The following CCBE1 variants were observed in gnomAD, a reference collection of about 807,000 sequenced individuals.
The protein encoded by CCBE1 is collagen and calcium binding EGF domains 1, also known as collagen and calcium-binding EGF domain-containing protein 1.
A neutral mutation model predicts 50.0 loss-of-function variants in CCBE1; 37 were observed. The observed-to-expected ratio is 0.74, with a 90% CI of 0.57 to 0.97. CCBE1 has a LOEUF of 0.97. Among genes scored for constraint, CCBE1 ranks in the 50% least tolerant of loss-of-function variants. The pLI, the probability that CCBE1 is intolerant of heterozygous loss-of-function variation, is 0.00. For synonymous variants in CCBE1, 234 were observed against 203.7 expected (o/e 1.15, Z -1.27); for missense variants, 538 against 523.8 (o/e 1.03, Z -0.26).
chr18:59,603,894 A>G (rs1363187123), intron 2 of CCBE1, among the ~76,000 whole-genome samples: 1 of 152,214 alleles, frequency 6.6e-6, no homozygotes, highest in Non-Finnish European at 1.5e-5. Flanking sequence ...CTCAGGCCGA[A>G]AGGTCCTCAA....
chr18:59,452,588 A>C (rs1164190235), intron 6 of CCBE1, among the ~76,000 whole-genome samples: 1 of 152,150 alleles, frequency 6.6e-6, no homozygotes, highest in East Asian at 1.9e-4. Flanking sequence ...GCGAGACTTC[A>C]TCTCAAAACA....
intron 2 of CCBE1, among the ~76,000 whole-genome samples, chr18:59,599,734 A>G (rs1344695458): frequency 6.6e-6 from 1 of 152,218 alleles, no homozygotes; most frequent in Non-Finnish European, 1.5e-5. Context: ...AATAATTCCT[A>G]CCTGAAGAAT....
At chr18:59,633,423 T>C (rs2053875745) in intron 2 of CCBE1, among the ~76,000 whole-genome samples, 2 of 152,252 alleles carry the variant, frequency 1.3e-5, no homozygotes, top group Non-Finnish European at 2.9e-5. Context: ...TAGTTTTCTC[T>C]GGTCCAAATT....
intron 2 of CCBE1, among the ~76,000 whole-genome samples, chr18:59,537,795 G>A (rs765171400): frequency 3.7e-4 from 56 of 152,246 alleles, no homozygotes; most frequent in Non-Finnish European, 7.1e-4. Context: ...ACTTGAATGC[G>A]TGATATACCT....
rs558371629 is a variant in CCBE1 at position 59,642,808 on chromosome 18, G to A, written c.212+53821C>T. Among the ~76,000 whole-genome samples the A allele has an allele frequency of 5.9e-5, 9 of 152,136 alleles. No homozygotes were observed. The East Asian group carries it at 1.5e-3, about 26-fold the overall frequency. The stretch of plus-strand genomic sequence containing the variant: ...ACTAAAAATACAAAAAATTAGCCAG[G>A]CGTGATGGTAGGTGCCTGTAATCCC... On this transcript the variant is annotated intron_variant, in intron 2 of 10. Coordinates refer to ENST00000439986, the MANE Select transcript of CCBE1 (RefSeq NM_133459.4).
intron 2 of CCBE1, among the ~76,000 whole-genome samples, chr18:59,662,850 C>T (rs1472066056): frequency 1.6e-4 from 24 of 152,192 alleles, no homozygotes; most frequent in Non-Finnish European, 2.9e-4. Context: ...TCTTGGTGTA[C>T]ACCTGTAGTC....
Position 59,443,065 on chromosome 18 carries a change from A to G in CCBE1, c.776-3249T>C, listed in dbSNP as rs569986318. Among the ~76,000 whole-genome samples the G allele has an allele frequency of 1.8e-3, 275 of 152,240 alleles. 1 individual carries two copies. Among genetic ancestry groups the G allele is most frequent in the African/African-American group, 5.9e-3 (245 of 41,550 alleles). On this transcript the variant is annotated intron_variant, in intron 7 of 10. Transcript: ENST00000439986. ...GCTCTGAGACCATACCGAGTTTAACAAGTCATCTGCTCTTGTGTCTGATAA... is the reference window on the plus strand; with the variant it reads ...GCTCTGAGACCATACCGAGTTTAACGAGTCATCTGCTCTTGTGTCTGATAA...
chr18:59,639,494 C>T (rs897188629), intron 2 of CCBE1, among the ~76,000 whole-genome samples: 1 of 152,118 alleles, frequency 6.6e-6, no homozygotes, highest in African/African-American at 2.4e-5. Context: ...GAACGTACTG[C>T]AAAATAGTAA....
Position 59,621,621 on chromosome 18 carries a change from A to G in CCBE1, c.212+75008T>C, listed in dbSNP as rs2053711514. ...AGTAACACAGGATTGTCTTCATTTT[A>G]CAGGCGAGCACAAAGGCTCAGAGAT... On this transcript the variant is annotated intron_variant, in intron 2 of 10. Coordinates refer to ENST00000439986, the MANE Select transcript of CCBE1 (RefSeq NM_133459.4). 2.0e-5 allele frequency among the ~76,000 whole-genome samples: 3 copies of G among 152,202 alleles called. No homozygotes were observed. In the South Asian group the frequency reaches 6.2e-4, roughly 32 times the overall value.
chr18:59,629,257 CCCCCAGGTATCATGTAACTGACT>C (rs1267416996), intron 2 of CCBE1, among the ~76,000 whole-genome samples: 1 of 152,160 alleles, frequency 6.6e-6, no homozygotes, highest in East Asian at 1.9e-4. Flanking sequence ...GAATCATCTT[CCCCCAGGTATCATGTAACTGACT>C]CCCTCATCTC....
intron 2 of CCBE1, among the ~76,000 whole-genome samples, chr18:59,623,915 G>A (rs1427147024): frequency 6.6e-6 from 1 of 152,206 alleles, no homozygotes; most frequent in East Asian, 1.9e-4. Flanking sequence ...GATGGGCCAA[G>A]GCTGTCAAAA....
intron 2 of CCBE1, among the ~76,000 whole-genome samples, chr18:59,538,230 T>G (rs1173401764): frequency 6.6e-6 from 1 of 152,158 alleles, no homozygotes; most frequent in African/African-American, 2.4e-5. Flanking sequence ...CATAGTAAAT[T>G]CCCAATGTAT....
chr18:59,529,186 G>A (rs1195057154), intron 2 of CCBE1, among the ~76,000 whole-genome samples: 2 of 152,230 alleles, frequency 1.3e-5, no homozygotes, highest in Non-Finnish European at 2.9e-5. Context: ...ATCCCCACAG[G>A]GAGGCCCTGC....
chr18:59,595,892 C>A (rs1452899298), intron 2 of CCBE1, among the ~76,000 whole-genome samples: 1 of 152,164 alleles, frequency 6.6e-6, no homozygotes, highest in African/African-American at 2.4e-5. Flanking sequence ...AAGGACTTTG[C>A]TACCTCCAAG....
intron 2 of CCBE1, among the ~76,000 whole-genome samples, chr18:59,651,757 G>T (rs1381075971): frequency 6.6e-6 from 1 of 152,216 alleles, no homozygotes; most frequent in South Asian, 2.1e-4. Flanking sequence ...AAGGCACTGG[G>T]CCCCACCTTG....
At chr18:59,697,510 G>A (rs1283688328), upstream of CCBE1, 4 of 863,090 alleles carry the variant, frequency 4.6e-6, no homozygotes, top group African/African-American at 1.7e-5. Context: ...TGGGGCTGGG[G>A]GGAAAATGAG....
Position 59,574,839 on chromosome 18 carries a change from G to A in CCBE1, c.213-94601C>T, listed in dbSNP as rs145483190. On this transcript the variant is annotated intron_variant, in intron 2 of 10. Transcript: ENST00000439986. ...AACACACTCCATTATGGGTTGAATCGTGTCCCTCTAAAATTCATATATGTG... is the reference window on the plus strand; with the variant it reads ...AACACACTCCATTATGGGTTGAATCATGTCCCTCTAAAATTCATATATGTG... 6.8e-3 allele frequency among the ~76,000 whole-genome samples: 1,040 copies of A among 152,232 alleles called. 12 individuals carry two copies. Among genetic ancestry groups the A allele is most frequent in the African/African-American group, 0.024 (981 of 41,514 alleles).
rs565305341 is a variant in CCBE1 at position 59,660,293 on chromosome 18, T to A, written c.212+36336A>T. Among the ~76,000 whole-genome samples the A allele has an allele frequency of 5.6e-4, 85 of 152,332 alleles. 1 individual carries two copies. Among genetic ancestry groups the A allele is most frequent in the Non-Finnish European group, 9.7e-4 (66 of 68,040 alleles). On this transcript the variant is annotated intron_variant, in intron 2 of 10. Coordinates refer to ENST00000439986, the MANE Select transcript of CCBE1 (RefSeq NM_133459.4). ...AATATAAAAATAAGTAAGCAAATGG[T>A]CATTTAGTCCAACATGTAAGTTTTA...
intron 2 of CCBE1, among the ~76,000 whole-genome samples, chr18:59,564,419 T>G (rs140040669): frequency 2.0e-4 from 31 of 152,366 alleles, no homozygotes; most frequent in African/African-American, 7.0e-4. Context: ...ATATTGAATA[T>G]TTTCCATTGT....
Sources: gnomAD v4.1 joint callset for allele counts (sites outside exome capture counted in the v4.1 genomes callset) on GRCh38, gnomAD v4.1.1 for gene constraint, MANE v1.5 for transcripts, NCBI Gene and HGNC (gene_info 2026-07-23, HGNC 2026-07-21) for gene names.